USP53: variants seen among roughly 807,000 people sequenced by gnomAD.
USP53 encodes the protein ubiquitin carboxyl-terminal hydrolase 53.
In USP53, 71 loss-of-function variants were observed where a neutral mutation model predicts 94.9. The ratio of observed to expected loss-of-function variants is 0.75; its 90% CI spans 0.62 to 0.91. The LOEUF (loss-of-function observed/expected upper bound fraction) is 0.91. Among genes scored for constraint, USP53 ranks in the 40% least tolerant of loss-of-function variants. The pLI is 0.00. For synonymous variants in USP53, 375 were observed against 422.7 expected, an observed-to-expected ratio of 0.89 and a Z score of 1.39; for missense variants, 1,173 against 1,281.0, an observed-to-expected ratio of 0.92 and a Z score of 1.29.
At chr4:119,284,895 T>A (rs1204959193) in intron 17 of USP53, among the ~76,000 whole-genome samples, 1 of 151,950 alleles carries the variant, frequency 6.6e-6, no homozygotes, top group East Asian at 1.9e-4. Flanking sequence ...TTTATGTTTT[T>A]ACAGCAGGAA....
At chr4:119,282,778 T>C (rs1312279920) in intron 17 of USP53, among the ~76,000 whole-genome samples, 2 of 152,038 alleles carry the variant, frequency 1.3e-5, no homozygotes, top group East Asian at 3.8e-4. Flanking sequence ...AGGGACAATT[T>C]ATTATAATTT....
chr4:119,237,657 T>C (rs1463595278), intron 4 of USP53, among the ~76,000 whole-genome samples: 1 of 152,202 alleles, frequency 6.6e-6, no homozygotes, highest in South Asian at 2.1e-4. Context: ...CTTCCATCTG[T>C]CAATATCACT....
intron 3 of USP53, among the ~76,000 whole-genome samples, chr4:119,229,975 A>G (rs547505697): frequency 6.6e-6 from 1 of 152,144 alleles, no homozygotes; most frequent in Non-Finnish European, 1.5e-5. Context: ...CATTTCTTTG[A>G]AATGCATCTC....
rs1483102900 is a variant in USP53, at chr4:119,249,517, A to T, written c.372+635A>T. Among the ~76,000 whole-genome samples the T allele has an allele frequency of 3.3e-5, 5 of 152,230 alleles. 1 individual carries two copies. Among genetic ancestry groups the T allele is most frequent in the African/African-American group, 1.2e-4 (5 of 41,546 alleles). On this transcript the variant is annotated intron_variant, in intron 7 of 18. Transcript: ENST00000692078. ...TTTCTTCTCTCTTCTTTCTGTTTCT[A>T]GTCAGCAAAGTTTGTAAATTCTTTC...
Position 119,283,981 on chromosome 4 carries a change from A to T in USP53, c.2252-7184A>T, listed in dbSNP as rs182556887. On this transcript the variant is annotated intron_variant, in intron 17 of 18. Transcript: ENST00000692078. Reference sequence around the variant, plus strand: ...TAAGGAACATTGGCTTTGCTGAGGAAGAGAAGTGAGCTAAAGCTAGAGAGA... The same window carrying T: ...TAAGGAACATTGGCTTTGCTGAGGATGAGAAGTGAGCTAAAGCTAGAGAGA... 4.3e-3 allele frequency among the ~76,000 whole-genome samples: 654 copies of T among 152,052 alleles called. 5 individuals are homozygous for T. The highest frequency in any genetic ancestry group is 6.8e-3 in the Middle Eastern group (2 of 294).
chr4:119,241,809 C>T (rs939388486), intron 5 of USP53, among the ~76,000 whole-genome samples: 3 of 152,142 alleles, frequency 2.0e-5, no homozygotes, highest in Non-Finnish European at 4.4e-5. Context: ...TGTCTCTTCC[C>T]TCCTTTGGGG....
In USP53 at chr4:119,268,143, C is replaced by T. The variant is rs546415479; in HGVS notation, c.1136-125C>T. On this transcript the variant is annotated intron_variant, in intron 13 of 18. Transcript: ENST00000692078. ...GATTGCGCCACTGCAGTCCGCAGTC[C>T]GGCCTGGGCGACAGAGCGAGACTCC... The T allele has an allele frequency of 6.5e-5, 64 of 978,132 alleles. No individual in the cohort carries two copies. In the African/African-American group the frequency reaches 7.6e-4, roughly 12 times the overall value. The allele number at this position is 978,132 out of a possible 1,614,324, so 60.6% of individuals were successfully genotyped here.
In USP53 at chr4:119,256,531, C is replaced by T. The variant is rs1369564978; in HGVS notation, c.569+8C>T. ...TTCTACAACAGCCTTATGGTAAGAACCTATTAAAGCTTAATTATCAACGAT... is the reference window on the plus strand; with the variant it reads ...TTCTACAACAGCCTTATGGTAAGAATCTATTAAAGCTTAATTATCAACGAT... On this transcript the variant is annotated splice_region_variant and intron_variant, in intron 9 of 18. Transcript: ENST00000692078. 12 of 1,613,118 alleles carry T rather than the reference C, an allele frequency of 7.4e-6. No individual in the cohort carries two copies. Among genetic ancestry groups the T allele is most frequent in the Non-Finnish European group, 1.0e-5 (12 of 1,179,180 alleles).
In USP53 at chr4:119,293,024, G is replaced by A. The variant is rs551730276; in HGVS notation, c.3035G>A (p.Gly1012Asp). The A allele has an allele frequency of 5.6e-5, 90 of 1,614,094 alleles. No homozygotes were observed. In the East Asian group the frequency reaches 2.0e-3, roughly 36 times the overall value. Residue 1012 changes from glycine to aspartate, a missense_variant, in exon 19 of 19, where the codon GGT becomes GAT. Transcript: ENST00000692078. ...SSTNDFQANS[G>D]AIDAFCQPEL... ...ACTAACGATTTTCAGGCAAACTCAG[G>A]TGCCATTGATGCATTTTGCCAACCA... is the stretch of plus-strand genomic sequence containing the variant.
chr4:119,259,377 C>T (rs559183874), intron 9 of USP53, among the ~76,000 whole-genome samples: 1 of 151,956 alleles, frequency 6.6e-6, no homozygotes, highest in East Asian at 1.9e-4. Flanking sequence ...TGCATTTAAT[C>T]AGCAAAGGAC....
At chr4:119,222,201 C>A (rs1208318283) in intron 3 of USP53, among the ~76,000 whole-genome samples, 1 of 151,910 alleles carries the variant, frequency 6.6e-6, no homozygotes, top group African/African-American at 2.4e-5. Context: ...AGTTGCACAT[C>A]TTTATGGGGT....
In USP53 at chr4:119,267,340, T is replaced by C; in HGVS notation, c.993T>C (p.Asp331=). 1.2e-6 allele frequency: 2 copies of C among 1,613,738 alleles called. No individual in the cohort carries two copies. The highest frequency in any genetic ancestry group is 1.7e-6 in the Non-Finnish European group (2 of 1,179,900). Residue 331 remains aspartate, a synonymous_variant, in exon 13 of 19, where the codon GAT becomes GAC. Coordinates refer to ENST00000692078, the MANE Select transcript of USP53 (RefSeq NM_001371395.1). The part of the protein sequence containing the change: ...NVKEIGTRWK[D]VVSKCIRCHF... ...AAAAGATTGGAACTAGATGGAAAGA[T>C]GTTGTCTCCAAATGCATTCGATGCC...
At chr4:119,240,742 A>G (rs967476348) in intron 5 of USP53, among the ~76,000 whole-genome samples, 1 of 152,218 alleles carries the variant, frequency 6.6e-6, no homozygotes, top group African/African-American at 2.4e-5. Flanking sequence ...GTGCACAGAT[A>G]TCTGACTCAG....
intron 11 of USP53, among the ~76,000 whole-genome samples, chr4:119,261,459 A>T (rs1750510306): frequency 6.6e-6 from 1 of 152,250 alleles, no homozygotes; most frequent in Non-Finnish European, 1.5e-5. Flanking sequence ...ATGTGTCATT[A>T]GAGATACTCT....
intron 4 of USP53, among the ~76,000 whole-genome samples, chr4:119,238,475 A>G (rs1747083828): frequency 6.6e-6 from 1 of 152,196 alleles, no homozygotes; most frequent in South Asian, 2.1e-4. Flanking sequence ...AACAATTACA[A>G]TGGAAACATC....
chr4:119,212,999 T>C (rs6833531), intron 1 of USP53, 126 bp downstream of exon 1: 150,076 of 157,306 alleles, frequency 0.95, 71,625 homozygotes, highest in East Asian at 0.99. Flanking sequence ...CGACCTCCTA[T>C]GGCCCCGGCC....
chr4:119,254,804 C>T (rs1172906137), intron 7 of USP53, among the ~76,000 whole-genome samples: 1 of 152,184 alleles, frequency 6.6e-6, no homozygotes, highest in African/African-American at 2.4e-5. Flanking sequence ...AAGAGACATT[C>T]TGGTTTTTGT....
chr4:119,281,773 A>AGT (rs1205560948), intron 17 of USP53, among the ~76,000 whole-genome samples: 7 of 152,260 alleles, frequency 4.6e-5, no homozygotes, highest in African/African-American at 1.7e-4. Context: ...TTAATATGAA[A>AGT]GTGTGTGTGT....
chr4:119,218,903 A>G (rs571267452), intron 3 of USP53: 7 of 152,178 alleles, frequency 4.6e-5, no homozygotes, highest in Non-Finnish European at 1.0e-4. Flanking sequence ...TCCTCAGTGT[A>G]TCTTTGAGGT....
Sources: allele counts gnomAD v4.1 joint callset (sites outside exome capture counted in the v4.1 genomes callset), GRCh38; gene constraint gnomAD v4.1.1; transcripts MANE v1.5; gene names NCBI Gene and HGNC (gene_info 2026-07-23, HGNC 2026-07-21).